The following TAL1 variants were observed in gnomAD, a reference collection of about 807,000 sequenced individuals.
TAL1 encodes the protein TAL bHLH transcription factor 1, erythroid differentiation factor.
TAL1 carries 8 observed loss-of-function variants against 17.9 expected under a neutral mutation model. The observed-to-expected ratio is 0.45, with a 90% CI of 0.26 to 0.81. TAL1 has a LOEUF of 0.81. Among genes scored for constraint, TAL1 ranks in the 30% least tolerant of loss-of-function variants. TAL1 has a pLI of 0.17. For synonymous variants in TAL1, 223 were observed against 218.6 expected (o/e 1.02, Z -0.18); for missense variants, 466 against 486.9 (o/e 0.96, Z 0.40).
At chr1:47,223,919 A>T in intron 3 of TAL1, 85 bp downstream of exon 4, 1 of 1,313,934 alleles carries the variant, frequency 7.6e-7, no homozygotes, top group South Asian at 1.2e-5. Flanking sequence ...TGAGATACCT[A>T]CGGAGTAGTC....
intron 1 of TAL1, among the ~76,000 whole-genome samples, chr1:47,226,415 A>G (rs1042893205): frequency 1.3e-5 from 2 of 152,130 alleles, no homozygotes; most frequent in African/African-American, 4.8e-5. Context: ...ACAGGCACAC[A>G]CCCAGAAACC....
intron 3 of TAL1, among the ~76,000 whole-genome samples, chr1:47,223,170 GC>G (rs2148588812): frequency 6.6e-6 from 1 of 152,290 alleles, no homozygotes; most frequent in South Asian, 2.1e-4. Flanking sequence ...GCCTTGGGCA[GC>G]CTTCCTACAG....
chr1:47,219,835 G>A (rs765173173), exon 4 of TAL1: 3 of 1,602,320 alleles, frequency 1.9e-6, no homozygotes, highest in African/African-American at 1.3e-5. Context: ...CCCATCCAGG[G>A]AGCTGCCGCA....
In TAL1 at chr1:47,222,672, A is replaced by G. The variant is rs189553565; in HGVS notation, c.541+1332T>C. Among the ~76,000 whole-genome samples, 345 of 152,134 alleles carry G rather than the reference A, an allele frequency of 2.3e-3. 1 individual carries two copies. The highest frequency in any genetic ancestry group is 4.3e-3 in the Admixed American group (65 of 15,276). ...GCCTATTCCTCTCTGGTTTTATTCCAGAGAACCACCCCCTCTCCTCACCTT... is the reference window on the plus strand; with the variant it reads ...GCCTATTCCTCTCTGGTTTTATTCCGGAGAACCACCCCCTCTCCTCACCTT... On this transcript the variant is annotated intron_variant, in intron 3 of 3. Coordinates refer to ENST00000294339, the Ensembl canonical transcript of TAL1.
chr1:47,223,841 G>T (rs760578174), intron 3 of TAL1, among the ~76,000 whole-genome samples, 163 bp downstream of exon 4: 1 of 152,186 alleles, frequency 6.6e-6, no homozygotes, highest in African/African-American at 2.4e-5. Flanking sequence ...ACTTTACTTA[G>T]CCCTAGCTCA....
intron 1 of TAL1, chr1:47,227,846 A>T (rs1643935145): frequency 6.6e-6 from 1 of 151,898 alleles, no homozygotes; most frequent in African/African-American, 2.4e-5. Context: ...AAATATACCA[A>T]CCCCTGGGAA....
At chr1:47,228,547 C>G (rs888792466) in intron 1 of TAL1, 2 of 179,342 alleles carry the variant, frequency 1.1e-5, no homozygotes, top group African/African-American at 4.7e-5. Flanking sequence ...GACAGAAGAC[C>G]CCAGGAGATT....
rs756137860 is a variant in TAL1 at position 47,219,663 on chromosome 1, C to T, written c.*57G>A. 40 of 1,599,198 alleles carry T rather than the reference C, an allele frequency of 2.5e-5. No homozygotes were observed. The Admixed American group carries it at 6.7e-4, about 27-fold the overall frequency. On this transcript the variant is annotated 3_prime_UTR_variant, in exon 4 of 4. Coordinates refer to ENST00000294339, the Ensembl canonical transcript of TAL1. Reference sequence around the variant, plus strand: ...ATTCTCACCCCACCTGCCCTGAAGCCCACCATCCCAGCAGCCTAAGAACGC... The same window carrying T: ...ATTCTCACCCCACCTGCCCTGAAGCTCACCATCCCAGCAGCCTAAGAACGC...
chr1:47,216,803 T>C, exon 4 of TAL1: 1 of 231,868 alleles, frequency 4.3e-6, no homozygotes, highest in Non-Finnish European at 8.5e-6. Context: ...TGTTTTGTTT[T>C]GTTTTACCTT....
At chr1:47,225,723 C>G in exon 2 of TAL1, 5 of 1,494,676 alleles carry the variant, frequency 3.3e-6, no homozygotes, top group Non-Finnish European at 4.4e-6. Flanking sequence ...CCTCCGCGCG[C>G]GCCCAGTTCG....
At chr1:47,230,712 T>C (rs1016014276), upstream of TAL1, 4 of 152,236 alleles carry the variant, frequency 2.6e-5, no homozygotes, top group Admixed American at 6.5e-5. Flanking sequence ...TGCTGCGCTC[T>C]GGGATGATTA....
chr1:47,223,243 C>G (rs1388461052), intron 3 of TAL1: 1 of 152,412 alleles, frequency 6.6e-6, no homozygotes, highest in African/African-American at 2.4e-5. Flanking sequence ...CAAAGTCCCT[C>G]AGCTCTGAAG....
At chr1:47,222,285 C>G (rs953405302) in intron 3 of TAL1, among the ~76,000 whole-genome samples, 1 of 152,172 alleles carries the variant, frequency 6.6e-6, no homozygotes, top group Non-Finnish European at 1.5e-5. Context: ...AAGCTTAAGA[C>G]CAGTGTTATG....
chr1:47,226,839 GATGTC>G (rs373554472), intron 1 of TAL1, among the ~76,000 whole-genome samples: 176 of 152,322 alleles, frequency 1.2e-3, no homozygotes, highest in African/African-American at 3.7e-3. Context: ...AGCAGGACAG[GATGTC>G]ATGAGGCCCT....
chr1:47,223,010 C>A (rs1044331138), intron 3 of TAL1, among the ~76,000 whole-genome samples: 1 of 152,178 alleles, frequency 6.6e-6, no homozygotes, highest in African/African-American at 2.4e-5. Flanking sequence ...GTGCCCCAGG[C>A]TGCTTGGGTC....
chr1:47,223,963 G>A, intron 3 of TAL1, 41 bp downstream of exon 4: 25 of 1,581,746 alleles, frequency 1.6e-5, no homozygotes, highest in Non-Finnish European at 2.2e-5. Flanking sequence ...GCTCTAACCA[G>A]CGTGAGGGGC....
Position 47,223,654 on chromosome 1 carries a change from T to C in TAL1, c.541+350A>G, listed in dbSNP as rs915581851. On this transcript the variant is annotated intron_variant, in intron 3 of 3. Coordinates refer to ENST00000294339, the Ensembl canonical transcript of TAL1. ...GGGATCGGGGGACACTGTGTGATTC[T>C]GCGCCCACTTGGGATCCTTGCCAAA... 1.5e-5 allele frequency: 3 copies of C among 199,542 alleles called. No homozygotes were observed. In the Admixed American group the frequency reaches 1.6e-4, roughly 11 times the overall value. The allele number at this position is 199,542 out of a possible 1,614,324, so 12.4% of individuals were successfully genotyped here.
rs767697133 is a variant in TAL1 at position 47,225,747 on chromosome 1, C to T, written c.142G>A (p.Glu48Lys). Residue 48 changes from glutamate (E) to lysine (K), a missense_variant, in exon 2 of 4, where the codon GAG becomes AAG. Glu to Lys is a moderately conservative substitution (Grantham distance 56). This residue lies in a region of TAL1 where 130 missense variants were observed against 119.5 expected (regional missense o/e 1.09). Transcript: ENST00000294339. The stretch of plus-strand genomic sequence containing the variant: ...GCGCCCAGTTCGATGACTGGGGGCT[C>T]CGCTGCGGCCGCGCGGCTCGTCTCC... The T allele has an allele frequency of 1.1e-4, 172 of 1,540,242 alleles. 2 individuals are homozygous for T. The South Asian group carries it at 1.9e-3, about 17-fold the overall frequency.
chr1:47,219,922 C>T (rs769599537), exon 4 of TAL1: 4 of 1,486,206 alleles, frequency 2.7e-6, no homozygotes, highest in Admixed American at 2.2e-5. Flanking sequence ...TCCACCCCCA[C>T]CAGCCCCCAC....
Sources: gnomAD v4.1 joint callset for allele counts (sites outside exome capture counted in the v4.1 genomes callset) on GRCh38, gnomAD v4.1.1 for gene constraint, gnomAD v4.1.1 regional missense constraint, MANE v1.5 for transcripts, NCBI Gene and HGNC (gene_info 2026-07-23, HGNC 2026-07-21) for gene names.